CSMD1: variants seen among roughly 807,000 people sequenced by gnomAD.
CSMD1 encodes CUB and Sushi multiple domains 1.
CSMD1 carries 213 observed loss-of-function variants against 417.5 expected under a neutral mutation model. That is an observed-to-expected ratio of 0.51 (90% CI 0.46 to 0.57). The LOEUF (loss-of-function observed/expected upper bound fraction) is 0.57, where lower values mean the gene tolerates loss of function less well. Among genes scored for constraint, CSMD1 ranks in the 20% least tolerant of loss-of-function variants. The pLI is 0.00. For synonymous variants in CSMD1, 2,862 were observed against 1,736.8 expected, an observed-to-expected ratio of 1.65 and a Z score of -16.11; for missense variants, 6,923 against 4,529.7, an observed-to-expected ratio of 1.53 and a Z score of -15.17.
chr8:4,185,374 G>C (rs1798604792), intron 3 of CSMD1, among the ~76,000 whole-genome samples: 1 of 152,128 alleles, frequency 6.6e-6, no homozygotes, highest in East Asian at 1.9e-4. Flanking sequence ...AAATTGGACA[G>C]GGCTTTTAAA....
At chr8:4,389,414 A>G (rs987964176) in intron 3 of CSMD1, among the ~76,000 whole-genome samples, 2 of 152,226 alleles carry the variant, frequency 1.3e-5, no homozygotes, top group Non-Finnish European at 2.9e-5. Flanking sequence ...CCATAGAAAC[A>G]TACGAAAATC....
chr8:2,944,218 T>C (rs562954270), intron 68 of CSMD1, among the ~76,000 whole-genome samples: 6 of 152,284 alleles, frequency 3.9e-5, no homozygotes, highest in East Asian at 1.9e-4. Flanking sequence ...GTGAAGCCAA[T>C]TGGGTGTTCC....
At chr8:4,105,336 A>C (rs1455785587) in intron 3 of CSMD1, among the ~76,000 whole-genome samples, 1 of 108,744 alleles carries the variant, frequency 9.2e-6, no homozygotes, top group African/African-American at 3.5e-5. Flanking sequence ...AACACTTCTG[A>C]ATTTTTTTTT....
At chr8:4,228,519 G>A (rs1457609872) in intron 3 of CSMD1, among the ~76,000 whole-genome samples, 1 of 149,866 alleles carries the variant, frequency 6.7e-6, no homozygotes, top group Non-Finnish European at 1.5e-5. Context: ...AGTCAACCCT[G>A]TATCTTGGCT....
intron 10 of CSMD1, among the ~76,000 whole-genome samples, chr8:3,521,632 T>A (rs957390419): frequency 6.6e-6 from 1 of 152,228 alleles, no homozygotes; most frequent in African/African-American, 2.4e-5. Context: ...CGGAGCAAAG[T>A]ACATTTACAG....
chr8:3,585,995 C>A (rs73660318), intron 9 of CSMD1, 141 bp downstream of exon 9: 30,599 of 820,560 alleles, frequency 0.037, 1,157 homozygotes, highest in Admixed American at 0.16. Context: ...CTGTTATTAC[C>A]CACATCACTA....
chr8:4,589,917 G>C (rs944328063), intron 2 of CSMD1, among the ~76,000 whole-genome samples: 6 of 152,070 alleles, frequency 3.9e-5, no homozygotes, highest in African/African-American at 1.4e-4. Context: ...TAGAATATGT[G>C]GCTTTTGTCT....
intron 8 of CSMD1, among the ~76,000 whole-genome samples, chr8:3,614,759 T>C (rs534205395): frequency 1.3e-5 from 2 of 152,350 alleles, no homozygotes; most frequent in South Asian, 4.1e-4. Flanking sequence ...GATGAGTTTC[T>C]TTGTGCCACG....
intron 1 of CSMD1, among the ~76,000 whole-genome samples, chr8:4,839,733 A>C (rs1800724866): frequency 6.6e-6 from 1 of 152,218 alleles, no homozygotes; most frequent in South Asian, 2.1e-4. Flanking sequence ...TAACTATACA[A>C]AGTTTAATAG....
intron 10 of CSMD1, among the ~76,000 whole-genome samples, chr8:3,541,710 C>A (rs1040343334): frequency 2.0e-5 from 3 of 148,836 alleles, no homozygotes; most frequent in African/African-American, 4.9e-5. Context: ...ATTCATTTTT[C>A]TTTATCAACA....
intron 3 of CSMD1, among the ~76,000 whole-genome samples, chr8:4,169,633 G>A (rs1399025454): frequency 6.6e-6 from 1 of 152,094 alleles, no homozygotes; most frequent in South Asian, 2.1e-4. Flanking sequence ...TCAGTCCCTT[G>A]CTGCTGCAGG....
chr8:4,814,719 A>G (rs1197641734), intron 1 of CSMD1, among the ~76,000 whole-genome samples: 1 of 152,290 alleles, frequency 6.6e-6, no homozygotes, highest in East Asian at 1.9e-4. Context: ...ACCCTGTGAC[A>G]TAGGTTTCCA....
intron 8 of CSMD1, among the ~76,000 whole-genome samples, chr8:3,601,660 G>A (rs140547667): frequency 6.6e-6 from 1 of 152,150 alleles, no homozygotes; most frequent in Non-Finnish European, 1.5e-5. Context: ...AAGGCTAATG[G>A]AAGCCTGTGA....
chr8:4,289,710 G>C (rs73500680), intron 3 of CSMD1, among the ~76,000 whole-genome samples: 2 of 152,162 alleles, frequency 1.3e-5, no homozygotes, highest in Non-Finnish European at 1.5e-5. Context: ...GCTTTCTTCA[G>C]CTACTGAGAT....
intron 7 of CSMD1, among the ~76,000 whole-genome samples, chr8:3,626,100 T>C (rs1044696753): frequency 9.2e-5 from 14 of 152,202 alleles, no homozygotes; most frequent in African/African-American, 2.9e-4. Flanking sequence ...ACCATCTGTC[T>C]GATTCCACAT....
chr8:4,696,105 C>A (rs945581627), intron 1 of CSMD1, among the ~76,000 whole-genome samples: 1 of 152,154 alleles, frequency 6.6e-6, no homozygotes, highest in Non-Finnish European at 1.5e-5. Flanking sequence ...CAGCCTTCAA[C>A]AAGGATAATG....
intron 5 of CSMD1, among the ~76,000 whole-genome samples, chr8:3,799,092 T>C (rs1283585509): frequency 1.3e-5 from 2 of 152,092 alleles, no homozygotes; most frequent in African/African-American, 2.4e-5. Flanking sequence ...CCAAATGCCA[T>C]TTTTTATTAT....
At chr8:4,672,695 A>T (rs533680606) in intron 1 of CSMD1, among the ~76,000 whole-genome samples, 1 of 152,286 alleles carries the variant, frequency 6.6e-6, no homozygotes, top group African/African-American at 2.4e-5. Flanking sequence ...AGGAAGTAAG[A>T]CTGCGCACAC....
chr8:4,604,157 T>C (rs1322737054), intron 2 of CSMD1, among the ~76,000 whole-genome samples: 1 of 152,114 alleles, frequency 6.6e-6, no homozygotes, highest in Non-Finnish European at 1.5e-5. Flanking sequence ...TTTACAGTGG[T>C]AACTCTATTC....
Sources: gnomAD v4.1 joint callset for allele counts (sites outside exome capture counted in the v4.1 genomes callset) on GRCh38, gnomAD v4.1.1 for gene constraint, MANE v1.5 for transcripts, NCBI Gene and HGNC (gene_info 2026-07-23, HGNC 2026-07-21) for gene names.